The following KYNU variants were observed in gnomAD, a reference collection of about 807,000 sequenced individuals.
KYNU encodes L-kynurenine hydrolase.
In KYNU, 54 loss-of-function variants were observed where a neutral mutation model predicts 59.2. The ratio of observed to expected loss-of-function variants is 0.91; its 90% CI spans 0.73 to 1.14. The LOEUF (loss-of-function observed/expected upper bound fraction) is 1.14. KYNU is among the 50% of genes most tolerant of loss of function. The probability of loss-of-function intolerance (pLI) is 0.00; values close to 1 mark genes in which losing one functional copy is unlikely to be tolerated. For missense variants in KYNU, 567 were observed against 554.4 expected, an observed-to-expected ratio of 1.02 and a Z score of -0.23; for synonymous variants, 177 against 192.0, an observed-to-expected ratio of 0.92 and a Z score of 0.65.
chr2:142,929,023 A>AC (rs1256056943), intron 4 of KYNU, among the ~76,000 whole-genome samples: 1 of 146,202 alleles, frequency 6.8e-6, no homozygotes, highest in African/African-American at 2.7e-5. Flanking sequence ...AAAAAAAAAA[A>AC]AACAAAAAAC....
At chr2:142,946,745 T>C (rs351694) in intron 4 of KYNU, among the ~76,000 whole-genome samples, 84,664 of 152,024 alleles carry the variant, frequency 0.56, 24,606 homozygotes, top group African/African-American at 0.71. Context: ...TCATTAGCTA[T>C]GTTAATCCTG....
At chr2:143,030,722 A>G (rs1315434229) in intron 11 of KYNU, among the ~76,000 whole-genome samples, 3 of 152,020 alleles carry the variant, frequency 2.0e-5, no homozygotes, top group African/African-American at 7.3e-5. Context: ...CTGAGATAAT[A>G]TTTTATATAT....
intron 4 of KYNU, 143 bp downstream of exon 4, chr2:142,927,884 A>C: frequency 1.6e-6 from 1 of 615,968 alleles, no homozygotes; most frequent in Non-Finnish European, 2.9e-6. Context: ...AAGGAAGTAC[A>C]CTTTCAACTT....
chr2:142,890,620 G>A (rs111367457), intron 2 of KYNU, among the ~76,000 whole-genome samples: 1 of 152,230 alleles, frequency 6.6e-6, no homozygotes, highest in South Asian at 2.1e-4. Flanking sequence ...TGGAACTACA[G>A]GTGCGTGCCA....
At chr2:143,016,448 T>G (rs1484252107) in intron 10 of KYNU, among the ~76,000 whole-genome samples, 1 of 152,228 alleles carries the variant, frequency 6.6e-6, no homozygotes, top group African/African-American at 2.4e-5. Context: ...TTTAAATCAT[T>G]ACCAGAAAAG....
At chr2:143,026,514 G>C (rs1405992534) in intron 10 of KYNU, among the ~76,000 whole-genome samples, 3 of 152,202 alleles carry the variant, frequency 2.0e-5, no homozygotes, top group African/African-American at 4.8e-5. Context: ...TGCTGGAATC[G>C]GCTGGCCACT....
intron 2 of KYNU, among the ~76,000 whole-genome samples, chr2:142,906,603 C>T (rs1682306585): frequency 6.6e-6 from 1 of 151,978 alleles, no homozygotes; most frequent in African/African-American, 2.4e-5. Flanking sequence ...ACAACCTACT[C>T]TAATACTTGG....
chr2:143,050,324 C>G lies in KYNU; in HGVS notation c.*8152C>G, dbSNP rs796737054. The G allele has an allele frequency of 3.4e-4, 52 of 152,084 alleles. No individual in the cohort carries two copies. Among genetic ancestry groups the G allele is most frequent in the African/African-American group, 1.2e-3 (51 of 41,476 alleles). 9.4% of individuals were successfully genotyped at this position (152,084 alleles called of 1,614,324 possible). On this transcript the variant is annotated 3_prime_UTR_variant, in exon 14 of 14. Transcript: ENST00000264170. ...CCTCACCTCCCACCCCCCAGCAGGC[C>G]CTGGTGTGTGTTGTTCCCCTCTCTG...
At chr2:142,881,117 G>A (rs1395917402) in intron 1 of KYNU, among the ~76,000 whole-genome samples, 1 of 152,188 alleles carries the variant, frequency 6.6e-6, no homozygotes. Flanking sequence ...CAAACAAGTT[G>A]AAGGGGAGCA....
chr2:142,964,172 T>C (rs984393747), intron 8 of KYNU, among the ~76,000 whole-genome samples: 82 of 152,002 alleles, frequency 5.4e-4, no homozygotes, highest in African/African-American at 1.9e-3. Flanking sequence ...AGATCACAGG[T>C]TTTTTCCGTT....
intron 10 of KYNU, among the ~76,000 whole-genome samples, chr2:143,021,499 T>C: frequency 6.6e-6 from 1 of 152,106 alleles, no homozygotes; most frequent in Admixed American, 6.6e-5. Context: ...GTTCTGCAGG[T>C]TGTACAGGAA....
chr2:142,928,099 T>C (rs1342318366), intron 4 of KYNU, among the ~76,000 whole-genome samples: 1 of 152,210 alleles, frequency 6.6e-6, no homozygotes, highest in African/African-American at 2.4e-5. Flanking sequence ...TTTGATATAA[T>C]GAACATTTTC....
chr2:143,042,075 G>C lies in KYNU; in HGVS notation c.1301G>C (p.Arg434Pro). ...VCDKRNPNGI[R>P]VAPVPLYNSF... Reference sequence around the variant, plus strand: ...GACAAGCGGAATCCAAATGGCATTCGAGTGGCTCCAGTTCCTCTCTATAAT... The same window carrying C: ...GACAAGCGGAATCCAAATGGCATTCCAGTGGCTCCAGTTCCTCTCTATAAT... Residue 434 changes from arginine (R) to proline (P), a missense_variant, in exon 14 of 14, where the codon CGA becomes CCA. Coordinates refer to ENST00000264170, the MANE Select transcript of KYNU (RefSeq NM_003937.3). 1 of 1,611,462 alleles carries C rather than the reference G, an allele frequency of 6.2e-7. No individual in the cohort carries two copies. The highest frequency in any genetic ancestry group is 8.5e-7 in the Non-Finnish European group (1 of 1,178,382).
At chr2:143,026,496 T>G (rs1041576260) in intron 10 of KYNU, among the ~76,000 whole-genome samples, 1 of 152,182 alleles carries the variant, frequency 6.6e-6, no homozygotes, top group Non-Finnish European at 1.5e-5. Context: ...GGAGCTGGAA[T>G]GAATGAGTGC....
intron 10 of KYNU, among the ~76,000 whole-genome samples, chr2:143,019,867 T>C (rs112153329): frequency 0.036 from 5,507 of 152,214 alleles, 134 homozygotes; most frequent in Non-Finnish European, 0.051. Flanking sequence ...TGGTAGATCA[T>C]GTGCATCCAG....
rs747191524 is a variant in KYNU at position 142,885,398 on chromosome 2, G to A, written c.31G>A (p.Asp11Asn). Reference protein sequence around the residue: MEPSSLELPADTVQRIAAELK... With the variant: MEPSSLELPANTVQRIAAELK... ...GCCTTCATCTCTTGAGCTGCCGGCTGACACAGTGCAGCGCATTGCGGCTGA... is the reference window on the plus strand; with the variant it reads ...GCCTTCATCTCTTGAGCTGCCGGCTAACACAGTGCAGCGCATTGCGGCTGA... The change falls in exon 2 of 14, where the codon GAC becomes AAC. Residue 11 changes from aspartate (D) to asparagine (N), a missense_variant. Physicochemically the swap from Asp to Asn is conservative, Grantham distance 23. Transcript: ENST00000264170. 6.2e-7 allele frequency: 1 copy of A among 1,614,020 alleles called. No individual in the cohort carries two copies. The highest frequency in any genetic ancestry group is 8.5e-7 in the Non-Finnish European group (1 of 1,180,000).
chr2:142,999,669 T>A (rs1182739735), intron 10 of KYNU, among the ~76,000 whole-genome samples: 1 of 152,152 alleles, frequency 6.6e-6, no homozygotes, highest in African/African-American at 2.4e-5. Context: ...TAGCTAACCA[T>A]GTATCAGTAT....
intron 10 of KYNU, among the ~76,000 whole-genome samples, chr2:142,993,606 A>T (rs949471900): frequency 1.1e-3 from 163 of 152,122 alleles, no homozygotes; most frequent in African/African-American, 3.3e-3. Context: ...GGATTTTTTT[A>T]AAAAATCTTC....
intron 4 of KYNU, among the ~76,000 whole-genome samples, chr2:142,928,371 AC>A (rs1306050478): frequency 6.6e-6 from 1 of 152,226 alleles, no homozygotes; most frequent in African/African-American, 2.4e-5. Context: ...AAGGTACTGA[AC>A]AAAAAAATTA....
Sources: allele counts gnomAD v4.1 joint callset (sites outside exome capture counted in the v4.1 genomes callset), GRCh38; gene constraint gnomAD v4.1.1; transcripts MANE v1.5; gene names NCBI Gene and HGNC (gene_info 2026-07-23, HGNC 2026-07-21).